REV1: variants seen among roughly 807,000 people sequenced by gnomAD.
REV1 encodes REV1 DNA directed polymerase.
Under a neutral mutation model 137.4 loss-of-function variants are expected in REV1, and 42 were observed. The ratio of observed to expected loss-of-function variants is 0.31; its 90% CI spans 0.24 to 0.40. The LOEUF (loss-of-function observed/expected upper bound fraction) is 0.40. Among genes scored for constraint, REV1 ranks in the 10% least tolerant of loss-of-function variants. REV1 has a pLI of 1.00. For missense variants in REV1, 1,282 were observed against 1,490.1 expected, an observed-to-expected ratio of 0.86 and a Z score of 2.30; for synonymous variants, 524 against 519.2, an observed-to-expected ratio of 1.01 and a Z score of -0.12.
At chr2:99,415,164 G>C (rs1342284574) in intron 12 of REV1, among the ~76,000 whole-genome samples, 3 of 152,146 alleles carry the variant, frequency 2.0e-5, no homozygotes, top group African/African-American at 7.2e-5. Flanking sequence ...ACCTTGAAGA[G>C]GGCTGCTAGT....
intron 9 of REV1, 78 bp downstream of exon 9, chr2:99,429,762 G>T: frequency 2.6e-6 from 2 of 769,356 alleles, no homozygotes; most frequent in Non-Finnish European, 3.7e-6. Context: ...CACTTCAAAA[G>T]ATTATAGTTC....
intron 4 of REV1, among the ~76,000 whole-genome samples, chr2:99,444,969 T>C (rs1682000893): frequency 6.6e-6 from 1 of 152,208 alleles, no homozygotes; most frequent in South Asian, 2.1e-4. Context: ...GGTTTCCTTA[T>C]ACACTGAGTT....
chr2:99,443,578 T>C (rs1681788319), intron 4 of REV1, among the ~76,000 whole-genome samples: 2 of 152,332 alleles, frequency 1.3e-5, no homozygotes, highest in South Asian at 4.1e-4. Flanking sequence ...GTCCTTTATA[T>C]AATTATGTCA....
intron 8 of REV1, 25 bp downstream of exon 8, chr2:99,434,307 G>A: frequency 6.7e-7 from 1 of 1,486,642 alleles, no homozygotes; most frequent in Non-Finnish European, 9.2e-7. Context: ...GGAGCACTAA[G>A]ACTTCAAAGA....
intron 3 of REV1, among the ~76,000 whole-genome samples, chr2:99,454,550 CAAAAAAAAAAAAAAAAA>C (rs373850478): frequency 2.2e-4 from 18 of 82,364 alleles, no homozygotes; most frequent in South Asian, 1.2e-3. Flanking sequence ...AACTCCAGCT[CAAAAAAAAAAAAAAAAA>C]AAAAAAAAAA....
intron 1 of REV1, among the ~76,000 whole-genome samples, chr2:99,469,891 G>A (rs1685208175): frequency 6.6e-6 from 1 of 151,986 alleles, no homozygotes; most frequent in African/African-American, 2.4e-5. Context: ...GGGGGCCGAG[G>A]CGGGCAGATC....
intron 18 of REV1, 129 bp downstream of exon 18, chr2:99,404,315 C>T (rs1675951902): frequency 2.9e-6 from 2 of 682,500 alleles, no homozygotes; most frequent in East Asian, 6.0e-5. Flanking sequence ...TCTCCCCTCC[C>T]CTCCCCTCCC....
intron 1 of REV1, among the ~76,000 whole-genome samples, chr2:99,483,774 T>G (rs1409784016): frequency 6.6e-6 from 1 of 152,140 alleles, no homozygotes; most frequent in South Asian, 2.1e-4. Flanking sequence ...AGGGAACAGT[T>G]TGGTGTAGCA....
chr2:99,461,467 A>C (rs28369952), intron 3 of REV1, among the ~76,000 whole-genome samples: 8 of 152,342 alleles, frequency 5.3e-5, no homozygotes, highest in Non-Finnish European at 7.3e-5. Flanking sequence ...AAGTCACCTA[A>C]ATCAGTATGA....
At chr2:99,477,423 C>T (rs1267647081) in intron 1 of REV1, among the ~76,000 whole-genome samples, 1 of 152,106 alleles carries the variant, frequency 6.6e-6, no homozygotes, top group Non-Finnish European at 1.5e-5. Context: ...CTGTGGAACC[C>T]CTAAAACACT....
chr2:99,416,935 A>T (rs1224522500), intron 12 of REV1, among the ~76,000 whole-genome samples: 1 of 149,568 alleles, frequency 6.7e-6, no homozygotes, highest in East Asian at 1.9e-4. Context: ...AAAAAAAAAG[A>T]AATAAAGTCT....
chr2:99,420,273 T>A (rs1678482738), intron 11 of REV1, among the ~76,000 whole-genome samples: 1 of 152,192 alleles, frequency 6.6e-6, no homozygotes, highest in African/African-American at 2.4e-5. Flanking sequence ...TCCTGCTGGC[T>A]GGGGAGAGAC....
chr2:99,467,860 A>AC (rs1684985779), intron 1 of REV1, among the ~76,000 whole-genome samples: 1 of 152,158 alleles, frequency 6.6e-6, no homozygotes, highest in South Asian at 2.1e-4. Context: ...AGTCTGGCCA[A>AC]CATGGTGAAA....
intron 9 of REV1, chr2:99,424,789 G>A (rs908103774): frequency 1.5e-6 from 2 of 1,304,042 alleles, no homozygotes; most frequent in Admixed American, 2.3e-5. Flanking sequence ...ATTCCCAATT[G>A]ACCAATTCCA....
intron 1 of REV1, among the ~76,000 whole-genome samples, chr2:99,473,229 G>A (rs1685603892): frequency 6.6e-6 from 1 of 152,088 alleles, no homozygotes; most frequent in Admixed American, 6.6e-5. Flanking sequence ...TTAGCTGGGA[G>A]TGGTGGCGCA....
chr2:99,463,915 C>T (rs1226263748), intron 2 of REV1, among the ~76,000 whole-genome samples: 14 of 152,294 alleles, frequency 9.2e-5, no homozygotes, highest in South Asian at 8.3e-4. Flanking sequence ...TGAGCCACCA[C>T]GCCCAACCTC....
Position 99,467,170 on chromosome 2 carries a change from T to C in REV1, c.-10-2185A>G, listed in dbSNP as rs577720973. 2.0e-5 allele frequency among the ~76,000 whole-genome samples: 3 copies of C among 152,270 alleles called. No homozygotes were observed. The East Asian group carries it at 5.8e-4, about 29-fold the overall frequency. On this transcript the variant is annotated intron_variant, in intron 1 of 22. Coordinates refer to ENST00000258428, the MANE Select transcript of REV1 (RefSeq NM_016316.4). ...ATCCAGTTGTGTAACGTCTGTTGTA[T>C]ACCTACTGCACAAGGCCAATAAGAA...
intron 12 of REV1, among the ~76,000 whole-genome samples, chr2:99,416,010 C>T (rs190356788): frequency 7.1e-4 from 108 of 152,372 alleles, no homozygotes; most frequent in African/African-American, 2.6e-3. Flanking sequence ...TCTCCTAAAG[C>T]AAAAACTTAC....
intron 4 of REV1, 37 bp downstream of exon 4, chr2:99,449,299 A>T (rs1682640767): frequency 8.1e-7 from 1 of 1,233,064 alleles, no homozygotes; most frequent in Non-Finnish European, 1.1e-6. Flanking sequence ...TTCTAACTTT[A>T]AAAATTTATT....
Sources: gnomAD v4.1 joint callset for allele counts (sites outside exome capture counted in the v4.1 genomes callset) on GRCh38, gnomAD v4.1.1 for gene constraint, MANE v1.5 for transcripts, NCBI Gene and HGNC (gene_info 2026-07-23, HGNC 2026-07-21) for gene names.